PKD1L1: variants seen among roughly 807,000 people sequenced by gnomAD.
PKD1L1 encodes the protein polycystin-1-like protein 1.
Under a neutral mutation model 323.4 loss-of-function variants are expected in PKD1L1, and 236 were observed. The ratio of observed to expected loss-of-function variants is 0.73; its 90% CI spans 0.66 to 0.81. The LOEUF is 0.81. PKD1L1 is among the 40% of genes least tolerant of loss of function. The probability of loss-of-function intolerance (pLI) is 0.00; values close to 1 mark genes in which losing one functional copy is unlikely to be tolerated. For missense variants in PKD1L1, 3,320 were observed against 3,508.0 expected, an observed-to-expected ratio of 0.95 and a Z score of 1.35; for synonymous variants, 1,344 against 1,335.0, an observed-to-expected ratio of 1.01 and a Z score of -0.15.
chr7:47,776,050 A>C (rs1673102423), intron 56 of PKD1L1, among the ~76,000 whole-genome samples: 2 of 152,206 alleles, frequency 1.3e-5, no homozygotes, highest in South Asian at 4.1e-4. Context: ...TGAACAACTT[A>C]TTCCTATACA....
chr7:47,780,367 C>T (rs1308199468), intron 56 of PKD1L1, among the ~76,000 whole-genome samples: 1 of 152,190 alleles, frequency 6.6e-6, no homozygotes, highest in Non-Finnish European at 1.5e-5. Context: ...CGCTGTGGCT[C>T]ATGCCTGTAA....
chr7:47,817,281 C>T (rs1430323956), intron 46 of PKD1L1, among the ~76,000 whole-genome samples: 5 of 152,054 alleles, frequency 3.3e-5, no homozygotes, highest in South Asian at 2.1e-4. Context: ...ATTTACACCA[C>T]GGAAATTGGC....
rs146111936 is a variant in PKD1L1 at position 47,816,547 on chromosome 7, G to A, written c.6966-1090C>T. Among the ~76,000 whole-genome samples, 120 of 152,288 alleles carry A rather than the reference G, an allele frequency of 7.9e-4. 1 individual carries two copies. Among genetic ancestry groups the A allele is most frequent in the African/African-American group, 2.8e-3 (115 of 41,572 alleles). On this transcript the variant is annotated intron_variant, in intron 46 of 56. Coordinates refer to ENST00000289672, the MANE Select transcript of PKD1L1 (RefSeq NM_138295.5). ...TTTCTCATACATAGCTTCCCATGAA[G>A]AGTCACTGAAGAATGGAAAGGATGG... is the stretch of plus-strand genomic sequence containing the variant.
intron 46 of PKD1L1, among the ~76,000 whole-genome samples, chr7:47,818,928 C>A (rs971273804): frequency 6.6e-6 from 1 of 152,094 alleles, no homozygotes; most frequent in Non-Finnish European, 1.5e-5. Flanking sequence ...AGTCCAGTTC[C>A]CTCCCTTTAT....
intron 52 of PKD1L1, among the ~76,000 whole-genome samples, chr7:47,804,194 A>C (rs1869322): frequency 0.062 from 9,511 of 152,302 alleles, 420 homozygotes; most frequent in East Asian, 0.2. Context: ...AGAAGCTGTG[A>C]GTGGCTGTCA....
chr7:47,836,836 T>C (rs1785466560), intron 37 of PKD1L1, 85 bp downstream of exon 37: 2 of 1,446,422 alleles, frequency 1.4e-6, no homozygotes, highest in Admixed American at 2.2e-5. Flanking sequence ...CGGAGAACTG[T>C]GAGCTTTGTT....
At chr7:47,837,945 A>G (rs1252683530) in intron 36 of PKD1L1, among the ~76,000 whole-genome samples, 1 of 152,228 alleles carries the variant, frequency 6.6e-6, no homozygotes, top group Non-Finnish European at 1.5e-5. Flanking sequence ...GCAACGCTCA[A>G]TTCGCAGCAC....
intron 31 of PKD1L1, 77 bp downstream of exon 31, chr7:47,853,050 A>G: frequency 2.1e-6 from 2 of 956,762 alleles, no homozygotes; most frequent in Non-Finnish European, 3.3e-6. Context: ...GAAAAACACC[A>G]CTATACATAC....
At chr7:47,919,812 A>C (rs768465703) in intron 7 of PKD1L1, among the ~76,000 whole-genome samples, 6 of 152,232 alleles carry the variant, frequency 3.9e-5, no homozygotes, top group Non-Finnish European at 8.8e-5. Context: ...AACAAAATCC[A>C]GCATCCCTTT....
At chr7:47,933,487 GTTTC>G (rs1787810866) in intron 4 of PKD1L1, among the ~76,000 whole-genome samples, 2 of 152,088 alleles carry the variant, frequency 1.3e-5, no homozygotes, top group Admixed American at 6.6e-5. Context: ...CTTTGCCTCG[GTTTC>G]TTTCTTTAGG....
chr7:47,865,421 G>A (rs966513397), intron 25 of PKD1L1, 149 bp from the exon 26 acceptor site: 1 of 654,534 alleles, frequency 1.5e-6, no homozygotes, highest in Non-Finnish European at 2.7e-6. Context: ...CAGACCTTCT[G>A]TACAGAGACC....
At chr7:47,804,328 A>G (rs1217396214) in intron 52 of PKD1L1, among the ~76,000 whole-genome samples, 2 of 152,238 alleles carry the variant, frequency 1.3e-5, no homozygotes, top group African/African-American at 4.8e-5. Context: ...TCTAGTAGCC[A>G]TGTTTTAAAA....
chr7:47,937,962 G>A (rs908315080), intron 3 of PKD1L1, among the ~76,000 whole-genome samples: 2 of 152,240 alleles, frequency 1.3e-5, no homozygotes, highest in African/African-American at 4.8e-5. Context: ...CACAGGAGGA[G>A]GGGGGACACT....
chr7:47,821,072 C>T lies in PKD1L1; in HGVS notation c.6965+4G>A. The T allele has an allele frequency of 6.4e-7, 1 of 1,560,242 alleles. No individual in the cohort carries two copies. The highest frequency in any genetic ancestry group is 8.8e-7 in the Non-Finnish European group (1 of 1,131,154). ...GATCTGGAAGAGTTACCCAAACCTCCTACCTTGTAAATTCTTTCCGGATAG... is the reference window on the plus strand; with the variant it reads ...GATCTGGAAGAGTTACCCAAACCTCTTACCTTGTAAATTCTTTCCGGATAG... On this transcript the variant is annotated splice_donor_region_variant and intron_variant, in intron 46 of 56. Coordinates refer to ENST00000289672, the MANE Select transcript of PKD1L1 (RefSeq NM_138295.5).
At chr7:47,934,415 T>G (rs1741169142) in intron 4 of PKD1L1, among the ~76,000 whole-genome samples, 1 of 152,224 alleles carries the variant, frequency 6.6e-6, no homozygotes, top group African/African-American at 2.4e-5. Context: ...TTCCAGGTAC[T>G]TCCAACGGCA....
At chr7:47,776,710 G>A (rs772373906) in intron 56 of PKD1L1, among the ~76,000 whole-genome samples, 3 of 152,094 alleles carry the variant, frequency 2.0e-5, no homozygotes, top group Non-Finnish European at 4.4e-5. Flanking sequence ...GATAAACATA[G>A]GAAGTCTAAC....
upstream of PKD1L1, among the ~76,000 whole-genome samples, chr7:47,952,743 T>C (rs1007499145): frequency 6.6e-6 from 1 of 152,224 alleles, no homozygotes; most frequent in African/African-American, 2.4e-5. Flanking sequence ...CTGAGTGCCC[T>C]GTAATTTGCA....
chr7:47,876,032 C>T, intron 23 of PKD1L1, 65 bp downstream of exon 23: 1 of 1,547,102 alleles, frequency 6.5e-7, no homozygotes, highest in Non-Finnish European at 8.8e-7. Flanking sequence ...TTTTGAAAAC[C>T]AGGAAAAAAG....
intron 53 of PKD1L1, among the ~76,000 whole-genome samples, chr7:47,801,294 A>C (rs998337505): frequency 6.6e-6 from 1 of 152,174 alleles, no homozygotes; most frequent in Admixed American, 6.5e-5. Flanking sequence ...TTAGTAAAAT[A>C]AATCACTTAG....
Sources: allele counts gnomAD v4.1 joint callset (sites outside exome capture counted in the v4.1 genomes callset), GRCh38; gene constraint gnomAD v4.1.1; transcripts MANE v1.5; gene names NCBI Gene and HGNC (gene_info 2026-07-23, HGNC 2026-07-21).